Variants in VRTN observed in about 807,000 individuals in gnomAD.
VRTN encodes vertnin.
A neutral mutation model predicts 18.2 loss-of-function variants in VRTN; 5 were observed. The observed-to-expected ratio is 0.27, with a 90% CI of 0.14 to 0.58. VRTN has a LOEUF of 0.58. Among genes scored for constraint, VRTN ranks in the 20% least tolerant of loss-of-function variants. The pLI is 0.91. For synonymous variants in VRTN, 381 were observed against 393.7 expected (o/e 0.97, Z 0.38); for missense variants, 741 against 939.4 (o/e 0.79, Z 2.76).
intron 2 of VRTN, among the ~76,000 whole-genome samples, chr14:74,342,199 A>G (rs1196753299): frequency 6.6e-6 from 1 of 151,492 alleles, no homozygotes. Context: ...ATGAGCTGTG[A>G]CTACACTACT....
Position 74,306,680 on chromosome 14 carries a change from A to G in VRTN, c.-164+3504A>G, listed in dbSNP as rs1242248500. On this transcript the variant is annotated intron_variant, in intron 1 of 2. Coordinates refer to the VRTN transcript ENST00000557177. ...TAGAGTGCAGTGGGATAATAATCAC[A>G]GCTCACTGCAGTCTCCAACTCCTCC... 3.3e-5 allele frequency among the ~76,000 whole-genome samples: 5 copies of G among 149,432 alleles called. No homozygotes were observed. The East Asian group carries it at 9.8e-4, about 29-fold the overall frequency.
At chr14:74,309,223 A>G (rs562882717) in intron 1 of VRTN, among the ~76,000 whole-genome samples, 1 of 151,816 alleles carries the variant, frequency 6.6e-6, no homozygotes, top group African/African-American at 2.4e-5. Flanking sequence ...AGCTGGTTAT[A>G]TTTTCATTTT....
Position 74,357,145 on chromosome 14 carries a change from A to G in VRTN, c.362A>G (p.Gln121Arg), listed in dbSNP as rs562451832. The change falls in exon 2 of 2, where the codon CAG (glutamine) becomes CGG (arginine). Residue 121 changes from glutamine to arginine, a missense_variant. Gln to Arg is a conservative substitution (Grantham distance 43). Transcript: ENST00000256362. The surrounding 1 kb of genome is among the most constrained non-coding windows in gnomAD (Gnocchi z 7.8). Reference sequence around the variant, plus strand: ...CTGCTGCACAGACACTACTACCTCCAGGGCATGATCGACTCCAAAGTGATG... The same window carrying G: ...CTGCTGCACAGACACTACTACCTCCGGGGCATGATCGACTCCAAAGTGATG... ...EMLLHRHYYL[Q>R]GMIDSKVMLQ... 1.0e-5 allele frequency: 16 copies of G among 1,598,154 alleles called. No homozygotes were observed. In the Admixed American group the frequency reaches 1.7e-4, roughly 17 times the overall value.
rs1335555655 is a variant in VRTN, at chr14:74,358,048, G to A, written c.1265G>A (p.Arg422His). 5 of 1,614,220 alleles carry A rather than the reference G, an allele frequency of 3.1e-6. No individual in the cohort carries two copies. Among genetic ancestry groups the A allele is most frequent in the Non-Finnish European group, 4.2e-6 (5 of 1,180,034 alleles). The change falls in exon 2 of 2, where the codon CGC (arginine) becomes CAC (histidine). Residue 422 changes from arginine to histidine, a missense_variant. Arg to His is a conservative substitution (Grantham distance 29). Transcript: ENST00000256362. The surrounding 1 kb of genome is among the most constrained non-coding windows in gnomAD (Gnocchi z 5.4). ...TCCCTGAACACACTGGTACCCTATC[G>A]CTGCTTCAAACGCAGGTTCCCTGGC... ...CISLNTLVPY[R>H]CFKRRFPGIS... is the part of the protein sequence containing the mutation.
chr14:74,330,837 G>A (rs1441873027), intron 1 of VRTN, among the ~76,000 whole-genome samples: 1 of 152,086 alleles, frequency 6.6e-6, no homozygotes, highest in African/African-American at 2.4e-5. Context: ...AAGGGAAAGA[G>A]CCCACGTTGT....
intron 1 of VRTN, among the ~76,000 whole-genome samples, chr14:74,310,542 T>TG (rs2085381516): frequency 6.7e-6 from 1 of 149,678 alleles, no homozygotes; most frequent in African/African-American, 2.5e-5. Flanking sequence ...TGTTTTTTTT[T>TG]TTTTTTTTTT....
rs2085679619 is a variant in VRTN at position 74,351,054 on chromosome 14, T to C, written c.-2+2402T>C. ...GTAAATGGTAGCTATTTTCCTAATT[T>C]TGTTTACAAAGTATCTAGCAGAGCA... On this transcript the variant is annotated intron_variant, in intron 1 of 1. Transcript: ENST00000256362. 3.3e-5 allele frequency among the ~76,000 whole-genome samples: 5 copies of C among 152,340 alleles called. No homozygotes were observed. In the South Asian group the frequency reaches 1.0e-3, roughly 32 times the overall value.
chr14:74,303,110 G>C, exon 1 of VRTN: 1 of 473,708 alleles, frequency 2.1e-6, no homozygotes. Flanking sequence ...GGCGGCTACA[G>C]CGCCCCCATA....
chr14:74,304,938 A>G (rs1031411975), intron 1 of VRTN, among the ~76,000 whole-genome samples: 1 of 152,230 alleles, frequency 6.6e-6, no homozygotes, highest in African/African-American at 2.4e-5. Flanking sequence ...ATCTAGGTTT[A>G]CAGATCTTGT....
chr14:74,344,605 G>A (rs560524274), upstream of VRTN, among the ~76,000 whole-genome samples: 4 of 150,884 alleles, frequency 2.7e-5, no homozygotes, highest in South Asian at 8.4e-4. Context: ...CGTGGTGGTG[G>A]GCATCTGTAA....
In VRTN at chr14:74,358,709, G is replaced by C. The variant is rs143291615; in HGVS notation, c.1926G>C (p.Val642=). 1 of 1,614,080 alleles carries C rather than the reference G, an allele frequency of 6.2e-7. No individual in the cohort carries two copies. Among genetic ancestry groups the C allele is most frequent in the Non-Finnish European group, 8.5e-7 (1 of 1,180,044 alleles). The part of the protein sequence containing the change: ...AAGGRDGRML[V]MDMIATTKFK... ...GTGGCAGGGATGGCCGGATGCTGGT[G>C]ATGGACATGATCGCTACCACGAAGT... Residue 642 remains valine (V), a synonymous_variant, in exon 2 of 2, where the codon GTG becomes GTC. Transcript: ENST00000256362. The surrounding 1 kb of genome is among the most constrained non-coding windows in gnomAD (Gnocchi z 5.4).
intron 1 of VRTN, among the ~76,000 whole-genome samples, chr14:74,324,450 A>T (rs1267209149): frequency 1.3e-5 from 2 of 151,898 alleles, no homozygotes; most frequent in Admixed American, 6.6e-5. Context: ...CAGCATTAAA[A>T]TGGAATTCAT....
intron 1 of VRTN, among the ~76,000 whole-genome samples, chr14:74,354,104 T>A (rs981983948): frequency 2.0e-5 from 3 of 152,156 alleles, no homozygotes; most frequent in African/African-American, 4.8e-5. Context: ...TTATTCTACA[T>A]TTTTACATTT....
chr14:74,310,631 G>C (rs1052724088), intron 1 of VRTN, among the ~76,000 whole-genome samples: 16 of 149,470 alleles, frequency 1.1e-4, no homozygotes, highest in African/African-American at 3.9e-4. Flanking sequence ...TCCGCCTCCT[G>C]GGTTCAAGTG....
chr14:74,304,661 C>T (rs917084302), intron 1 of VRTN, among the ~76,000 whole-genome samples: 1 of 152,110 alleles, frequency 6.6e-6, no homozygotes, highest in African/African-American at 2.4e-5. Context: ...TGTCTCTAAA[C>T]ATTGCCAAAT....
chr14:74,357,035 C>A lies in VRTN; in HGVS notation c.252C>A (p.Ser84Arg). The change falls in exon 2 of 2, where the codon AGC (serine) becomes AGA (arginine). Residue 84 changes from serine (S) to arginine (R), a missense_variant. Ser to Arg is a moderately radical substitution (Grantham distance 110). Around this residue, in one of 3 missense-constraint regions of VRTN, gnomAD observed 186 missense variants for 288.3 expected, o/e 0.65. Transcript: ENST00000256362. This position sits in a 1 kb window ranked among gnomAD's most constrained non-coding sequence, Gnocchi z 7.8. ...MLPLVCKGEG[S>R]LLFEAASMLL... ...CGCTGGTGTGCAAGGGGGAGGGCAG[C>A]CTGCTGTTCGAGGCGGCCAGCATGC... The A allele has an allele frequency of 6.2e-7, 1 of 1,608,948 alleles. No homozygotes were observed. Among genetic ancestry groups the A allele is most frequent in the Non-Finnish European group, 8.5e-7 (1 of 1,177,564 alleles).
intron 1 of VRTN, among the ~76,000 whole-genome samples, chr14:74,304,453 GC>G (rs2085290388): frequency 1.3e-5 from 2 of 152,190 alleles, no homozygotes; most frequent in Admixed American, 1.3e-4. Context: ...ACCGTGCCCG[GC>G]CTACAGCTGT....
intron 1 of VRTN, among the ~76,000 whole-genome samples, chr14:74,330,089 A>G (rs962165407): frequency 2.0e-5 from 3 of 151,286 alleles, no homozygotes; most frequent in Non-Finnish European, 4.4e-5. Context: ...TGGCCAAACT[A>G]GTCTTGAGCT....
intron 2 of VRTN, among the ~76,000 whole-genome samples, chr14:74,339,353 G>T (rs542667264): frequency 2.6e-5 from 4 of 152,192 alleles, no homozygotes; most frequent in African/African-American, 9.6e-5. Flanking sequence ...ACTCAATTCT[G>T]GTTGCTCTGA....
Sources: allele counts gnomAD v4.1 joint callset (sites outside exome capture counted in the v4.1 genomes callset), GRCh38; gene constraint gnomAD v4.1.1; regional missense constraint gnomAD v4.1.1; non-coding constraint Gnocchi (gnomAD v3.1); transcripts MANE v1.5; gene names NCBI Gene and HGNC (gene_info 2026-07-23, HGNC 2026-07-21).